Variants in NCKAP1 observed in about 807,000 individuals in gnomAD.
NCKAP1 encodes NCK associated protein 1.
Under a neutral mutation model 151.2 loss-of-function variants are expected in NCKAP1, and 21 were observed. The observed-to-expected ratio is 0.14, with a 90% CI of 0.10 to 0.20. The LOEUF (loss-of-function observed/expected upper bound fraction) is 0.20. Ranked by LOEUF, NCKAP1 falls within the 10% of genes least tolerant of loss-of-function variation. The probability of loss-of-function intolerance (pLI) is 1.00; values close to 1 mark genes in which losing one functional copy is unlikely to be tolerated. For synonymous variants in NCKAP1, 484 were observed against 451.8 expected, an observed-to-expected ratio of 1.07 and a Z score of -0.90; for missense variants, 933 against 1,352.1, an observed-to-expected ratio of 0.69 and a Z score of 4.86.
rs1696486703 is a variant in NCKAP1 at position 182,917,490 on chromosome 2, C to T, written c.*8212G>A. The T allele has an allele frequency of 6.6e-6, 1 of 152,190 alleles. No homozygotes were observed. The highest frequency in any genetic ancestry group is 6.5e-5 in the Admixed American group (1 of 15,284). The allele number at this position is 152,190 out of a possible 1,614,324, so 9.4% of individuals were successfully genotyped here. A position where few individuals can be genotyped will look rare whatever the true frequency, so the allele number is the denominator to read the frequency against. ...ATAATCTCTAAGGCTCTTCCAGCTA[C>T]AAATGACTAAAATGCTCCATCATTA... On this transcript the variant is annotated 3_prime_UTR_variant, in exon 31 of 31. Transcript: ENST00000361354.
intron 23 of NCKAP1, among the ~76,000 whole-genome samples, chr2:182,946,739 CAA>C (rs5836861): frequency 7.5e-6 from 1 of 132,498 alleles, no homozygotes; most frequent in Non-Finnish European, 1.6e-5. Context: ...ATAAACCTAC[CAA>C]AAAAAAAAAA....
At chr2:182,964,127 T>C (rs758985106) in intron 17 of NCKAP1, among the ~76,000 whole-genome samples, 3 of 152,154 alleles carry the variant, frequency 2.0e-5, no homozygotes, top group African/African-American at 4.8e-5. Flanking sequence ...AAACACTGAG[T>C]ACATTTTTCA....
chr2:182,923,618 T>C lies in NCKAP1; in HGVS notation c.*2084A>G, dbSNP rs1299814883. 6.6e-6 allele frequency: 1 copy of C among 152,144 alleles called. No homozygotes were observed. Among genetic ancestry groups the C allele is most frequent in the Non-Finnish European group, 1.5e-5 (1 of 68,018 alleles). 9.4% of individuals were successfully genotyped at this position (152,144 alleles called of 1,614,324 possible). A position where few individuals can be genotyped will look rare whatever the true frequency, so the allele number is the denominator to read the frequency against. ...GTATCTATAAAGGTATTAAAAAGAA[T>C]ATTAAAGACATTTTTTCTACTACTG... On this transcript the variant is annotated 3_prime_UTR_variant, in exon 31 of 31. Transcript: ENST00000361354.
chr2:183,035,680 C>A (rs1699087825), intron 1 of NCKAP1, among the ~76,000 whole-genome samples: 1 of 152,098 alleles, frequency 6.6e-6, no homozygotes, highest in East Asian at 1.9e-4. Context: ...CAATTCCTAG[C>A]CAGCTGGGAA....
chr2:182,953,987 T>G (rs1325627091), intron 20 of NCKAP1, among the ~76,000 whole-genome samples: 2 of 152,206 alleles, frequency 1.3e-5, no homozygotes, highest in African/African-American at 4.8e-5. Context: ...TATTTGACAC[T>G]GTTAGGTGCC....
intron 26 of NCKAP1, chr2:182,934,533 C>T: frequency 3.2e-6 from 1 of 314,282 alleles, no homozygotes; most frequent in Non-Finnish European, 5.8e-6. Flanking sequence ...GTCAATTTTG[C>T]ATTGCTATAG....
At chr2:182,958,013 G>C (rs982654359) in intron 18 of NCKAP1, among the ~76,000 whole-genome samples, 2 of 152,206 alleles carry the variant, frequency 1.3e-5, no homozygotes, top group African/African-American at 4.8e-5. Flanking sequence ...GGAGCATAAC[G>C]TGTAAGGTAA....
At chr2:183,004,424 G>C (rs898040275) in intron 2 of NCKAP1, among the ~76,000 whole-genome samples, 1 of 145,624 alleles carries the variant, frequency 6.9e-6, no homozygotes, top group African/African-American at 2.6e-5. Context: ...TTACAGCAGT[G>C]AGCCTAACAT....
At chr2:182,957,239 A>G (rs928447689) in intron 19 of NCKAP1, 2 of 420,084 alleles carry the variant, frequency 4.8e-6, no homozygotes, top group African/African-American at 4.1e-5. Flanking sequence ...AAAGACAAAT[A>G]TCAACTATTA....
intron 2 of NCKAP1, among the ~76,000 whole-genome samples, chr2:183,005,055 T>C (rs1167153741): frequency 6.6e-6 from 1 of 152,156 alleles, no homozygotes; most frequent in African/African-American, 2.4e-5. Context: ...TCCATGTTTA[T>C]ATGCACATTT....
intron 1 of NCKAP1, among the ~76,000 whole-genome samples, chr2:183,027,360 ACATAC>A (rs1192503508): frequency 5.9e-5 from 9 of 152,228 alleles, no homozygotes; most frequent in Non-Finnish European, 8.8e-5. Context: ...AGAGGTTAAT[ACATAC>A]AGAAGTACTA....
chr2:182,920,596 T>C lies in NCKAP1; in HGVS notation c.*5106A>G, dbSNP rs1185442435. The C allele has an allele frequency of 6.6e-6, 1 of 152,270 alleles. No homozygotes were observed. The highest frequency in any genetic ancestry group is 1.5e-5 in the Non-Finnish European group (1 of 68,064). 9.4% of individuals were successfully genotyped at this position (152,270 alleles called of 1,614,324 possible). ...CCAATCAGTGTGCTGGCATATTTGG[T>C]GTTTGTGGAGGGTCTGCTTTCTGGT... On this transcript the variant is annotated 3_prime_UTR_variant, in exon 31 of 31. Coordinates refer to ENST00000361354, the MANE Select transcript of NCKAP1 (RefSeq NM_013436.5).
chr2:182,996,505 T>G (rs1575055233), intron 6 of NCKAP1, among the ~76,000 whole-genome samples: 1 of 152,342 alleles, frequency 6.6e-6, no homozygotes, highest in South Asian at 2.1e-4. Flanking sequence ...TTGCCCAAGC[T>G]GGAGTGCAGT....
At chr2:182,967,868 C>CA (rs1333126084) in intron 15 of NCKAP1, among the ~76,000 whole-genome samples, 1 of 151,716 alleles carries the variant, frequency 6.6e-6, no homozygotes, top group Non-Finnish European at 1.5e-5. Context: ...GTAGTTTGGC[C>CA]AAAAAAGTGA....
chr2:182,996,108 G>A (rs756357357), intron 6 of NCKAP1, among the ~76,000 whole-genome samples: 50 of 152,318 alleles, frequency 3.3e-4, no homozygotes, highest in Non-Finnish European at 5.9e-4. Flanking sequence ...TAAAATACGT[G>A]GCAATCTTGG....
chr2:183,022,151 G>T (rs1698808632), intron 2 of NCKAP1, among the ~76,000 whole-genome samples: 1 of 152,066 alleles, frequency 6.6e-6, no homozygotes, highest in African/African-American at 2.4e-5. Flanking sequence ...TAATTCTAAG[G>T]AAAGACCTAA....
At position 182,916,835 on chromosome 2, in the gene NCKAP1, G is replaced by A. The variant is rs993995635; in HGVS notation, c.*8867C>T. 6.6e-5 allele frequency: 10 copies of A among 152,078 alleles called. No homozygotes were observed. Among genetic ancestry groups the A allele is most frequent in the Non-Finnish European group, 1.3e-4 (9 of 68,018 alleles). The allele number at this position is 152,078 out of a possible 1,614,324, so 9.4% of individuals were successfully genotyped here. On this transcript the variant is annotated 3_prime_UTR_variant, in exon 31 of 31. Coordinates refer to ENST00000361354, the MANE Select transcript of NCKAP1 (RefSeq NM_013436.5). ...TAGAGCAGTCTTAAAATTAATTTTA[G>A]CATCGTTTTCTGTTAAAGTTACATG... is the stretch of plus-strand genomic sequence containing the variant.
intron 1 of NCKAP1, among the ~76,000 whole-genome samples, chr2:183,026,722 T>C (rs902439855): frequency 1.3e-5 from 2 of 152,174 alleles, no homozygotes; most frequent in Admixed American, 6.5e-5. Flanking sequence ...TCCTAACCTA[T>C]GTTTCTTCGT....
rs1696380925 is a variant in NCKAP1 at position 182,911,030 on chromosome 2, A to G, written c.*14672T>C. 1 of 143,734 alleles carries G rather than the reference A, an allele frequency of 7.0e-6. No individual in the cohort carries two copies. The highest frequency in any genetic ancestry group is 2.5e-5 in the African/African-American group (1 of 40,214). 8.9% of individuals were successfully genotyped at this position (143,734 alleles called of 1,614,324 possible). A position where few individuals can be genotyped will look rare whatever the true frequency, so the allele number is the denominator to read the frequency against. ...AACCTTAAAAACTGAGTTCCCGGCC[A>G]TGATGGGATGGGAGGTTGGGCACAT... On this transcript the variant is annotated 3_prime_UTR_variant, in exon 31 of 31. Coordinates refer to ENST00000361354, the MANE Select transcript of NCKAP1 (RefSeq NM_013436.5).
Sources: gnomAD v4.1 joint callset for allele counts (sites outside exome capture counted in the v4.1 genomes callset) on GRCh38, gnomAD v4.1.1 for gene constraint, MANE v1.5 for transcripts, NCBI Gene and HGNC (gene_info 2026-07-23, HGNC 2026-07-21) for gene names.